Variants in CDIP1 observed in about 807,000 individuals in gnomAD.
CDIP1 encodes the protein cell death-inducing p53-target protein 1.
In CDIP1, 9 loss-of-function variants were observed where a neutral mutation model predicts 17.7. The ratio of observed to expected loss-of-function variants is 0.51; its 90% confidence interval spans 0.31 to 0.89. The LOEUF (loss-of-function observed/expected upper bound fraction) is 0.89. Among genes scored for constraint, CDIP1 ranks in the 40% least tolerant of loss-of-function variants. The pLI is 0.05. For synonymous variants in CDIP1, 117 were observed against 109.5 expected (o/e 1.07, Z -0.43); for missense variants, 263 against 277.9 (o/e 0.95, Z 0.38).
chr16:4,535,134 C>T (rs990731141), intron 1 of CDIP1, among the ~76,000 whole-genome samples: 16 of 152,200 alleles, frequency 1.1e-4, no homozygotes, highest in African/African-American at 3.6e-4. Flanking sequence ...CCTACTTCCA[C>T]CTTTCTTGGC....
chr16:4,528,133 A>G, intron 1 of CDIP1, among the ~76,000 whole-genome samples: 1 of 152,200 alleles, frequency 6.6e-6, no homozygotes, highest in Non-Finnish European at 1.5e-5. Flanking sequence ...ATAGATTTTT[A>G]TTGACATAGA....
Position 4,528,299 on chromosome 16 carries a change from G to A in CDIP1, c.-105+10403C>T, listed in dbSNP as rs940599085. On this transcript the variant is annotated intron_variant, in intron 1 of 5. Coordinates refer to ENST00000567695, the MANE Select transcript of CDIP1 (RefSeq NM_013399.3). ...CTGATATATTGCCCAGGCAGGTCTC[G>A]AACTCCTGAGCTCAAGCTATCCTCC... 1.3e-4 allele frequency among the ~76,000 whole-genome samples: 20 copies of A among 152,086 alleles called. 1 individual carries two copies. Among genetic ancestry groups the A allele is most frequent in the Admixed American group, 6.6e-5 (1 of 15,256 alleles).
At position 4,511,193 on chromosome 16, in the gene CDIP1, T is replaced by G. The variant is rs1190575647; in HGVS notation, c.*1379A>C. The G allele has an allele frequency of 6.6e-6, 1 of 152,486 alleles. No homozygotes were observed. The highest frequency in any genetic ancestry group is 1.5e-5 in the Non-Finnish European group (1 of 68,076). The allele number at this position is 152,486 out of a possible 1,614,324, so 9.4% of individuals were successfully genotyped here. A position where few individuals can be genotyped will look rare whatever the true frequency, so the allele number is the denominator to read the frequency against. On this transcript the variant is annotated 3_prime_UTR_variant, in exon 6 of 6. Coordinates refer to ENST00000567695, the MANE Select transcript of CDIP1 (RefSeq NM_013399.3). ...ACGTGTTGGTGTTGTCCCAGGCAGT[T>G]GGCATGGCATCAGCACTGAGGGTGT...
At chr16:4,538,111 A>C (rs980242971) in intron 1 of CDIP1, among the ~76,000 whole-genome samples, 1 of 152,062 alleles carries the variant, frequency 6.6e-6, no homozygotes, top group African/African-American at 2.4e-5. Flanking sequence ...CAAGACGGAG[A>C]TGGCAATTTC....
At chr16:4,519,582 G>C (rs2058923517) in intron 1 of CDIP1, among the ~76,000 whole-genome samples, 1 of 152,132 alleles carries the variant, frequency 6.6e-6, no homozygotes, top group Non-Finnish European at 1.5e-5. Context: ...GCCAGATGCT[G>C]GCAGTGCCTT....
chr16:4,538,169 C>T (rs567819912), intron 1 of CDIP1, among the ~76,000 whole-genome samples: 205 of 152,292 alleles, frequency 1.3e-3, no homozygotes, highest in Admixed American at 0.012. Context: ...GGCTGCCATT[C>T]CGGGCGCACA....
intron 1 of CDIP1, among the ~76,000 whole-genome samples, chr16:4,520,930 A>G (rs1475915762): frequency 1.3e-5 from 2 of 152,326 alleles, no homozygotes; most frequent in East Asian, 3.9e-4. Context: ...CCACACTTCA[A>G]ATGAATGCAC....
chr16:4,513,989 C>T lies in CDIP1; in HGVS notation c.85+57G>A. On this transcript the variant is annotated intron_variant, in intron 3 of 5. Coordinates refer to ENST00000567695, the MANE Select transcript of CDIP1 (RefSeq NM_013399.3). This position sits in a 1 kb window ranked among gnomAD's most constrained non-coding sequence, Gnocchi z 4.1. ...GGCATCACCACTTAGAGAGTCCCAA[C>T]CATGCCATGGCGGCAGGGGGCTGCA... 2 of 1,355,504 alleles carry T rather than the reference C, an allele frequency of 1.5e-6. No homozygotes were observed. The highest frequency in any genetic ancestry group is 2.0e-6 in the Non-Finnish European group (2 of 1,002,532). 84.0% of individuals were successfully genotyped at this position (1,355,504 alleles called of 1,614,324 possible). A position where few individuals can be genotyped will look rare whatever the true frequency, so the allele number is the denominator to read the frequency against.
intron 1 of CDIP1, chr16:4,524,236 C>G (rs1406469454): frequency 6.6e-6 from 1 of 152,352 alleles, no homozygotes; most frequent in East Asian, 1.9e-4. Flanking sequence ...GCTGGAGACG[C>G]CTTCCATGAA....
rs1482882208 is a variant in CDIP1, at chr16:4,514,944, T to G, written c.-104-280A>C. ...GGCCTGAGCTCCCATGCATGAGGAC[T>G]GGACTGCCAGGCAAGCTGTGCTCTG... On this transcript the variant is annotated intron_variant, in intron 1 of 5. Coordinates refer to ENST00000567695, the MANE Select transcript of CDIP1 (RefSeq NM_013399.3). The surrounding 1 kb of genome is among the most constrained non-coding windows in gnomAD (Gnocchi z 5.2). The G allele has an allele frequency of 6.6e-6, 1 of 152,528 alleles. No homozygotes were observed. The highest frequency in any genetic ancestry group is 6.5e-5 in the Admixed American group (1 of 15,290). The allele number at this position is 152,528 out of a possible 1,614,324, so 9.4% of individuals were successfully genotyped here.
intron 1 of CDIP1, chr16:4,532,560 G>C (rs1433912384): frequency 1.3e-5 from 2 of 152,224 alleles, no homozygotes; most frequent in East Asian, 3.9e-4. Context: ...AAGCCGAGAG[G>C]CTTGCAGAGA....
Position 4,512,600 on chromosome 16 carries a change from T to C in CDIP1, c.599A>G (p.Tyr200Cys). 6.2e-7 allele frequency: 1 copy of C among 1,613,928 alleles called. No individual in the cohort carries two copies. Among genetic ancestry groups the C allele is most frequent in the Non-Finnish European group, 8.5e-7 (1 of 1,179,868 alleles). The part of the protein sequence containing the change: ...VTHTCPSCKA[Y>C]IYTYKRLC ...GCACAGGCGCTTGTACGTGTAGATG[T>C]AGGCTTTGCAGCTGGGGCATGTGTG... The change falls in exon 6 of 6, where the codon TAC becomes TGC. Residue 200 changes from tyrosine (Y) to cysteine (C), a missense_variant. Tyr to Cys is a radical substitution (Grantham distance 194). Coordinates refer to ENST00000567695, the MANE Select transcript of CDIP1 (RefSeq NM_013399.3). The surrounding 1 kb of genome is among the most constrained non-coding windows in gnomAD (Gnocchi z 4.6).
chr16:4,518,477 G>A lies in CDIP1; in HGVS notation c.-104-3813C>T, dbSNP rs991935440. Among the ~76,000 whole-genome samples the A allele has an allele frequency of 7.2e-5, 11 of 152,150 alleles. No homozygotes were observed. In the East Asian group the frequency reaches 2.1e-3, roughly 29 times the overall value. Reference sequence around the variant, plus strand: ...CCACCTTCTCTTTGCCCCTCACCGGGGGCCGCAGGGCCCTGTTGCTCCTCC... The same window carrying A: ...CCACCTTCTCTTTGCCCCTCACCGGAGGCCGCAGGGCCCTGTTGCTCCTCC... On this transcript the variant is annotated intron_variant, in intron 1 of 5. Coordinates refer to ENST00000567695, the MANE Select transcript of CDIP1 (RefSeq NM_013399.3).
intron 1 of CDIP1, among the ~76,000 whole-genome samples, chr16:4,537,366 G>A (rs1196280422): frequency 2.6e-5 from 4 of 152,172 alleles, no homozygotes; most frequent in Admixed American, 1.3e-4. Context: ...AGACTGGCAA[G>A]TGACTGGGCA....
At position 4,513,713 on chromosome 16, in the gene CDIP1, C is replaced by G; in HGVS notation, c.224G>C (p.Gly75Ala). 6.2e-7 allele frequency: 1 copy of G among 1,613,586 alleles called. No homozygotes were observed. Among genetic ancestry groups the G allele is most frequent in the South Asian group, 1.1e-5 (1 of 91,062 alleles). The stretch of plus-strand genomic sequence containing the variant: ...CCACTCACCCGGAGGCATGTAGGTG[C>G]CATCTGCACTCATGTGTGGTGGGAT... The part of the protein sequence containing the change: ...GFIPPHMSAD[G>A]TYMPPGFYPP... The change falls in exon 4 of 6, where the codon GGC (glycine) becomes GCC (alanine). Residue 75 changes from glycine (G) to alanine (A), a missense_variant. By Grantham distance (60) the Gly-to-Ala change is moderately conservative. Transcript: ENST00000567695. The surrounding 1 kb of genome is among the most constrained non-coding windows in gnomAD (Gnocchi z 4.1).
chr16:4,530,038 C>G (rs573244796), intron 1 of CDIP1, among the ~76,000 whole-genome samples: 1 of 152,364 alleles, frequency 6.6e-6, no homozygotes, highest in African/African-American at 2.4e-5. Context: ...TACCTGTACA[C>G]AGAAGCTCCC....
intron 1 of CDIP1, among the ~76,000 whole-genome samples, chr16:4,528,726 C>T (rs953436329): frequency 6.0e-5 from 9 of 148,966 alleles, no homozygotes; most frequent in Non-Finnish European, 1.0e-4. Context: ...CGGTGGCTCA[C>T]ACCTATAATC....
At chr16:4,529,562 G>T (rs1326367635) in intron 1 of CDIP1, among the ~76,000 whole-genome samples, 1 of 152,198 alleles carries the variant, frequency 6.6e-6, no homozygotes, top group African/African-American at 2.4e-5. Context: ...TCAACCACAA[G>T]TGAATAAACA....
intron 1 of CDIP1, among the ~76,000 whole-genome samples, chr16:4,538,001 C>G (rs1445861128): frequency 6.6e-6 from 1 of 152,234 alleles, no homozygotes; most frequent in African/African-American, 2.4e-5. Context: ...CCAAGGTCAC[C>G]CGCGGGGCTC....
Sources: allele counts gnomAD v4.1 joint callset (sites outside exome capture counted in the v4.1 genomes callset), GRCh38; gene constraint gnomAD v4.1.1; non-coding constraint Gnocchi (gnomAD v3.1); transcripts MANE v1.5; gene names NCBI Gene and HGNC (gene_info 2026-07-23, HGNC 2026-07-21).